SLC27A2: variants seen among roughly 807,000 people sequenced by gnomAD.
SLC27A2 encodes the protein solute carrier family 27 member 2, also known as long-chain fatty acid transport protein 2.
Under a neutral mutation model 60.0 loss-of-function variants are expected in SLC27A2, and 54 were observed. The observed-to-expected ratio is 0.90, with a 90% CI of 0.72 to 1.13. The LOEUF is 1.13. SLC27A2 is among the 50% of genes most tolerant of loss of function. The pLI is 0.00. For synonymous variants in SLC27A2, 297 were observed against 297.6 expected, an observed-to-expected ratio of 1.00 and a Z score of 0.02; for missense variants, 739 against 777.6, an observed-to-expected ratio of 0.95 and a Z score of 0.59.
intron 4 of SLC27A2, among the ~76,000 whole-genome samples, chr15:50,213,548 C>A (rs534860987): frequency 2.5e-4 from 38 of 152,264 alleles, no homozygotes; most frequent in African/African-American, 9.1e-4. Context: ...CCAAGATAGA[C>A]CACATGGTGG....
rs1407478073 is a variant in SLC27A2 at position 50,222,957 on chromosome 15, C to G, written c.973-8C>G. ...TCAGTTTGGTCTCCTTCTTCTCCCC[C>G]ACCACAGAAACCAAATGACCGTGAT... is the stretch of plus-strand genomic sequence containing the variant. On this transcript the variant is annotated splice_region_variant and splice_polypyrimidine_tract_variant and intron_variant, in intron 4 of 9. Coordinates refer to ENST00000267842, the MANE Select transcript of SLC27A2 (RefSeq NM_003645.4). The G allele has an allele frequency of 1.3e-6, 2 of 1,597,502 alleles. No homozygotes were observed. Among genetic ancestry groups the G allele is most frequent in the East Asian group, 2.2e-5 (1 of 44,528 alleles).
intron 8 of SLC27A2, among the ~76,000 whole-genome samples, chr15:50,231,226 C>T (rs1419040635): frequency 6.7e-6 from 1 of 149,630 alleles, no homozygotes; most frequent in Non-Finnish European, 1.5e-5. Flanking sequence ...CTCACTGTAA[C>T]CTCTGCCTCC....
At chr15:50,228,656 CT>C (rs1384647935) in intron 7 of SLC27A2, among the ~76,000 whole-genome samples, 2 of 152,220 alleles carry the variant, frequency 1.3e-5, no homozygotes, top group Non-Finnish European at 2.9e-5. Flanking sequence ...CTAATTTCCA[CT>C]GCCTTTCTTA....
At chr15:50,206,221 C>T (rs545510812) in intron 4 of SLC27A2, among the ~76,000 whole-genome samples, 1 of 152,202 alleles carries the variant, frequency 6.6e-6, no homozygotes, top group South Asian at 2.1e-4. Flanking sequence ...AGTAACCTCC[C>T]CACCTCCCCA....
intron 4 of SLC27A2, among the ~76,000 whole-genome samples, chr15:50,222,337 C>A (rs2045248923): frequency 6.6e-6 from 1 of 152,192 alleles, no homozygotes; most frequent in South Asian, 2.1e-4. Flanking sequence ...TTAAATGGGG[C>A]AGGGCATGGT....
chr15:50,201,698 G>A (rs2045064859), intron 2 of SLC27A2, among the ~76,000 whole-genome samples: 1 of 151,912 alleles, frequency 6.6e-6, no homozygotes, highest in East Asian at 1.9e-4. Context: ...TAGGACTATA[G>A]GCACCCACCA....
At chr15:50,228,376 CAAA>C (rs71124333) in intron 7 of SLC27A2, among the ~76,000 whole-genome samples, 5 of 77,272 alleles carry the variant, frequency 6.5e-5, no homozygotes, top group Admixed American at 1.9e-4. Context: ...GACTCTGCCT[CAAA>C]AAAAAAAAAA....
intron 4 of SLC27A2, among the ~76,000 whole-genome samples, chr15:50,215,436 C>T (rs1178594826): frequency 6.6e-6 from 1 of 152,038 alleles, no homozygotes; most frequent in African/African-American, 2.4e-5. Flanking sequence ...ATACCACCAT[C>T]ATCCTTCACA....
chr15:50,204,266 A>C (rs904443129), intron 3 of SLC27A2, among the ~76,000 whole-genome samples: 1 of 151,882 alleles, frequency 6.6e-6, no homozygotes, highest in Non-Finnish European at 1.5e-5. Flanking sequence ...GGAGTTTGAG[A>C]CTAGCCTGGT....
chr15:50,226,348 A>G (rs915150505), intron 6 of SLC27A2, among the ~76,000 whole-genome samples: 4 of 152,210 alleles, frequency 2.6e-5, no homozygotes, highest in Non-Finnish European at 5.9e-5. Context: ...TTGCAAAACT[A>G]TAGTTTTAGG....
chr15:50,234,142 C>A, intron 9 of SLC27A2, 144 bp downstream of exon 9: 1 of 810,940 alleles, frequency 1.2e-6, no homozygotes, highest in Non-Finnish European at 1.9e-6. Flanking sequence ...TGTCATAGAC[C>A]AATAAGGAAG....
Position 50,226,971 on chromosome 15 carries a change from C to A in SLC27A2, c.1259-9C>A, listed in dbSNP as rs2045282659. Reference sequence around the variant, plus strand: ...GCACATAAAATAAGTTTACTTTCTTCTGTCTTAGGTGAAGTTGGACTTCTG... The same window carrying A: ...GCACATAAAATAAGTTTACTTTCTTATGTCTTAGGTGAAGTTGGACTTCTG... On this transcript the variant is annotated splice_polypyrimidine_tract_variant and intron_variant, in intron 6 of 9. Coordinates refer to ENST00000267842, the MANE Select transcript of SLC27A2 (RefSeq NM_003645.4). The A allele has an allele frequency of 6.2e-7, 1 of 1,607,368 alleles. No individual in the cohort carries two copies. Among genetic ancestry groups the A allele is most frequent in the African/African-American group, 1.3e-5 (1 of 74,488 alleles).
In SLC27A2 at chr15:50,235,992, G is replaced by GTCA. The variant is rs1424316946; in HGVS notation, c.1763_1765dup (p.Ile588dup). 1.2e-6 allele frequency: 2 copies of GTCA among 1,614,122 alleles called. No homozygotes were observed. The highest frequency in any genetic ancestry group is 2.2e-5 in the South Asian group (2 of 91,078). On this transcript the variant is annotated inframe_insertion, in exon 10 of 10. Transcript: ENST00000267842. The stretch of plus-strand genomic sequence containing the variant: ...GGTGGAGGAGGGCTTTAACCCTGCT[G>GTCA]TCATCAAAGATGCCTTGTATTTCTT...
intron 4 of SLC27A2, among the ~76,000 whole-genome samples, chr15:50,221,215 A>G (rs1321175074): frequency 6.6e-6 from 1 of 151,554 alleles, no homozygotes; most frequent in African/African-American, 2.4e-5. Flanking sequence ...AGAGAGAGAG[A>G]AAATAGATTC....
intron 1 of SLC27A2, among the ~76,000 whole-genome samples, chr15:50,192,893 A>G (rs1387110884): frequency 6.6e-6 from 1 of 151,938 alleles, no homozygotes; most frequent in Non-Finnish European, 1.5e-5. Context: ...ATAAGAAAAA[A>G]AAAAGACTGT....
chr15:50,216,610 G>GTGTGTGTGTGTGTGTGTGTA (rs1323910367), intron 4 of SLC27A2, among the ~76,000 whole-genome samples: 5 of 66,482 alleles, frequency 7.5e-5, no homozygotes, highest in African/African-American at 1.1e-4. Context: ...GTGTGTGTGT[G>GTGTGTGTGTGTGTGTGTGTA]TATATATATA....
At chr15:50,211,548 T>C (rs937514848) in intron 4 of SLC27A2, among the ~76,000 whole-genome samples, 1 of 152,132 alleles carries the variant, frequency 6.6e-6, no homozygotes, top group African/African-American at 2.4e-5. Flanking sequence ...AAACCAACCC[T>C]GCTAATATGA....
rs370219323 is a variant in SLC27A2 at position 50,182,402 on chromosome 15, C to G, written c.-26C>G. On this transcript the variant is annotated 5_prime_UTR_variant, in exon 1 of 10. Transcript: ENST00000267842. ...GCCCGGGGTGAACCCTCTGCCCTCG[C>G]TGGGACAGAGGGCCCCGCAGCCGTC... 9.6e-6 allele frequency: 15 copies of G among 1,567,850 alleles called. No homozygotes were observed. In the East Asian group the frequency reaches 3.4e-4, roughly 36 times the overall value.
chr15:50,201,705 A>G (rs1397443864), intron 2 of SLC27A2, among the ~76,000 whole-genome samples: 9 of 151,846 alleles, frequency 5.9e-5, no homozygotes, highest in African/African-American at 1.5e-4. Context: ...ATAGGCACCC[A>G]CCACCACGCC....
Sources: gnomAD v4.1 joint callset for allele counts (sites outside exome capture counted in the v4.1 genomes callset) on GRCh38, gnomAD v4.1.1 for gene constraint, MANE v1.5 for transcripts, NCBI Gene and HGNC (gene_info 2026-07-23, HGNC 2026-07-21) for gene names.